Variants in FANK1 observed in about 807,000 individuals in gnomAD.
The protein encoded by FANK1 is fibronectin type III and ankyrin repeat domains 1.
Under a neutral mutation model 45.3 loss-of-function variants are expected in FANK1, and 44 were observed. The ratio of observed to expected loss-of-function variants is 0.97; its 90% CI spans 0.76 to 1.25. FANK1 has a LOEUF of 1.25. Among genes scored for constraint, FANK1 ranks in the 50% most tolerant of loss-of-function variants. FANK1 has a pLI of 0.00. For missense variants in FANK1, 391 were observed against 424.4 expected (o/e 0.92, Z 0.69); for synonymous variants, 149 against 152.5 (o/e 0.98, Z 0.17).
chr10:125,913,774 T>C (rs894880515), intron 1 of FANK1, among the ~76,000 whole-genome samples: 20 of 152,160 alleles, frequency 1.3e-4, no homozygotes, highest in African/African-American at 4.8e-4. Context: ...CAGGGGAGGC[T>C]GAGACCCACC....
At chr10:125,937,907 C>T (rs112975794) in intron 1 of FANK1, among the ~76,000 whole-genome samples, 2,710 of 152,186 alleles carry the variant, frequency 0.018, 83 homozygotes, top group African/African-American at 0.062. Context: ...TGCTAAACCA[C>T]GCTAATGTTG....
chr10:125,896,821 G>C (rs1390844378), intron 1 of FANK1, among the ~76,000 whole-genome samples, 166 bp downstream of exon 1: 2 of 152,428 alleles, frequency 1.3e-5, no homozygotes, highest in East Asian at 3.8e-4. Context: ...AGGGGAGAAG[G>C]GGGCTACATC....
chr10:125,985,817 G>T (rs1951517909), intron 2 of FANK1, among the ~76,000 whole-genome samples: 1 of 152,218 alleles, frequency 6.6e-6, no homozygotes, highest in Non-Finnish European at 1.5e-5. Flanking sequence ...ACCCATGTGT[G>T]ATGCATCAGC....
rs1945567410 is a variant in FANK1 at position 125,906,865 on chromosome 10, T to C, written c.13+10210T>C. On this transcript the variant is annotated intron_variant, in intron 1 of 10. Transcript: ENST00000368693. The stretch of plus-strand genomic sequence containing the variant: ...TTCTTGATTACATCTTCAATTATTT[T>C]AGTTATTTCTGAGATTCTCCCCTGC... Among the ~76,000 whole-genome samples the C allele has an allele frequency of 2.0e-5, 3 of 152,210 alleles. 1 individual carries two copies. The South Asian group carries it at 6.2e-4, about 31-fold the overall frequency.
chr10:125,953,335 G>A (rs1401492106), intron 1 of FANK1, among the ~76,000 whole-genome samples: 1 of 152,150 alleles, frequency 6.6e-6, no homozygotes, highest in Non-Finnish European at 1.5e-5. Flanking sequence ...CATGTCACTA[G>A]TCTAGTCTGA....
chr10:125,905,148 AAAC>A (rs1945395175), intron 1 of FANK1, among the ~76,000 whole-genome samples: 3 of 29,876 alleles, frequency 1.0e-4, no homozygotes, highest in African/African-American at 3.7e-4. Flanking sequence ...AAAAAAAAAA[AAAC>A]AAAAAAAACG....
At chr10:125,953,306 C>G (rs1949372750) in intron 1 of FANK1, among the ~76,000 whole-genome samples, 1 of 152,146 alleles carries the variant, frequency 6.6e-6, no homozygotes. Flanking sequence ...TTGGAACCTT[C>G]AAGAGGCCCC....
rs113768045 is a variant in FANK1, at chr10:125,908,145, C to T, written c.13+11490C>T. Among the ~76,000 whole-genome samples, 772 of 152,108 alleles carry T rather than the reference C, an allele frequency of 5.1e-3. 10 individuals are homozygous for T. The highest frequency in any genetic ancestry group is 0.016 in the African/African-American group (677 of 41,474). On this transcript the variant is annotated intron_variant, in intron 1 of 10. Coordinates refer to ENST00000368693, the MANE Select transcript of FANK1 (RefSeq NM_145235.5). ...CCAGGTAGCTGAGATTATAGGCATGCGCCACCACACGCAGCTAATTTTGTA... is the reference window on the plus strand; with the variant it reads ...CCAGGTAGCTGAGATTATAGGCATGTGCCACCACACGCAGCTAATTTTGTA...
intron 1 of FANK1, among the ~76,000 whole-genome samples, chr10:125,946,503 T>A (rs1948811061): frequency 6.6e-6 from 1 of 151,778 alleles, no homozygotes; most frequent in Non-Finnish European, 1.5e-5. Flanking sequence ...GAAGAAAGGG[T>A]ATCAGCAATG....
At chr10:126,007,950 A>G (rs1485584376) in intron 7 of FANK1, among the ~76,000 whole-genome samples, 2 of 152,230 alleles carry the variant, frequency 1.3e-5, no homozygotes, top group Non-Finnish European at 1.5e-5. Flanking sequence ...TGTGTAATGA[A>G]TCTGGTTGTT....
intron 1 of FANK1, among the ~76,000 whole-genome samples, chr10:125,928,363 A>G (rs1186118945): frequency 1.9e-4 from 28 of 150,368 alleles, no homozygotes; most frequent in Admixed American, 2.0e-4. Flanking sequence ...CAGTGGGAGG[A>G]AGACCAGCGG....
intron 5 of FANK1, among the ~76,000 whole-genome samples, chr10:125,996,910 A>T (rs563493175): frequency 7.5e-5 from 11 of 147,638 alleles, no homozygotes; most frequent in African/African-American, 2.2e-4. Context: ...TTGGAATTCA[A>T]TTTTTTTTTT....
At chr10:125,985,223 A>C (rs1027678255) in intron 2 of FANK1, among the ~76,000 whole-genome samples, 1 of 152,350 alleles carries the variant, frequency 6.6e-6, no homozygotes, top group African/African-American at 2.4e-5. Flanking sequence ...TGCTATGCTA[A>C]GTCTTTGACA....
intron 7 of FANK1, 90 bp from the exon 8 acceptor site, chr10:126,008,317 G>A (rs1466358901): frequency 4.1e-6 from 6 of 1,465,272 alleles, no homozygotes; most frequent in Non-Finnish European, 5.5e-6. Flanking sequence ...AAGTCCGGGT[G>A]TTGGGGCAAG....
chr10:125,980,422 G>A, intron 2 of FANK1, 84 bp downstream of exon 2: 1 of 1,408,298 alleles, frequency 7.1e-7, no homozygotes, highest in Non-Finnish European at 9.6e-7. Flanking sequence ...AAAAGCCACT[G>A]CTTGTTTCAA....
intron 6 of FANK1, among the ~76,000 whole-genome samples, chr10:126,001,160 G>A (rs762032928): frequency 2.0e-5 from 3 of 152,184 alleles, no homozygotes; most frequent in Non-Finnish European, 4.4e-5. Flanking sequence ...TAGTAAGGGT[G>A]TTTGTTGTTG....
At chr10:125,970,501 C>G (rs1009883670) in intron 1 of FANK1, among the ~76,000 whole-genome samples, 5 of 152,246 alleles carry the variant, frequency 3.3e-5, no homozygotes, top group Non-Finnish European at 7.3e-5. Context: ...GAGGTTCACA[C>G]CACTGTACTC....
At chr10:125,938,583 C>T (rs139929762) in intron 1 of FANK1, among the ~76,000 whole-genome samples, 1,983 of 152,104 alleles carry the variant, frequency 0.013, 41 homozygotes, top group African/African-American at 0.045. Flanking sequence ...CCGAGGTGGG[C>T]GGATCACTTG....
intron 1 of FANK1, among the ~76,000 whole-genome samples, chr10:125,960,570 A>G (rs1003808163): frequency 6.6e-6 from 1 of 152,258 alleles, no homozygotes; most frequent in African/African-American, 2.4e-5. Flanking sequence ...TCTGTTGCCC[A>G]GGCTGGAGTG....
Sources: allele counts gnomAD v4.1 joint callset (sites outside exome capture counted in the v4.1 genomes callset), GRCh38; gene constraint gnomAD v4.1.1; transcripts MANE v1.5; gene names NCBI Gene and HGNC (gene_info 2026-07-23, HGNC 2026-07-21).